The following EYS variants were observed in gnomAD, a reference collection of about 807,000 sequenced individuals.
The protein encoded by EYS is EGF-like photoreceptor maintenance factor.
EYS carries 250 observed loss-of-function variants against 282.1 expected under a neutral mutation model. The observed-to-expected ratio is 0.89, with a 90% CI of 0.80 to 0.98. The LOEUF is 0.98. EYS is among the 50% of genes least tolerant of loss of function. The probability of loss-of-function intolerance (pLI) is 0.00; values close to 1 mark genes in which losing one functional copy is unlikely to be tolerated. For missense variants in EYS, 4,016 were observed against 3,709.0 expected, an observed-to-expected ratio of 1.08 and a Z score of -2.15; for synonymous variants, 1,355 against 1,282.9, an observed-to-expected ratio of 1.06 and a Z score of -1.20.
intron 5 of EYS, among the ~76,000 whole-genome samples, chr6:65,443,588 A>G (rs1018675618): frequency 3.3e-5 from 5 of 151,772 alleles, no homozygotes; most frequent in African/African-American, 1.2e-4. Context: ...ATATACACAT[A>G]TACATATACA....
chr6:65,334,840 G>A (rs1769922251), intron 11 of EYS, 140 bp downstream of exon 11: 3 of 682,274 alleles, frequency 4.4e-6, no homozygotes, highest in African/African-American at 1.8e-5. Flanking sequence ...AACTATATAT[G>A]TATATGTAAG....
intron 7 of EYS, 48 bp downstream of exon 7, chr6:65,402,430 A>G (rs896552100): frequency 1.6e-6 from 2 of 1,283,704 alleles, no homozygotes; most frequent in African/African-American, 2.9e-5. Flanking sequence ...CACATGATTT[A>G]AAAATCCATG....
At chr6:64,123,032 T>C (rs150785401) in intron 31 of EYS, among the ~76,000 whole-genome samples, 4,607 of 152,230 alleles carry the variant, frequency 0.03, 197 homozygotes, top group African/African-American at 0.096. Context: ...TTAAAGAATT[T>C]ACAGTCTAAT....
intron 29 of EYS, among the ~76,000 whole-genome samples, chr6:64,359,540 GTTC>G (rs1310822007): frequency 4.6e-5 from 7 of 151,620 alleles, no homozygotes; most frequent in Admixed American, 3.9e-4. Context: ...CCTTATCTCA[GTTC>G]TTCGGCATCT....
At chr6:64,714,440 A>G (rs992918522) in intron 22 of EYS, among the ~76,000 whole-genome samples, 4 of 151,856 alleles carry the variant, frequency 2.6e-5, no homozygotes, top group African/African-American at 9.7e-5. Flanking sequence ...AGTTTTTAAA[A>G]TTTTCATCTA....
intron 31 of EYS, among the ~76,000 whole-genome samples, chr6:64,166,985 T>C (rs1764309698): frequency 6.6e-6 from 1 of 152,222 alleles, no homozygotes; most frequent in Non-Finnish European, 1.5e-5. Context: ...ACAGCTTCAT[T>C]TAGATTTTCC....
intron 8 of EYS, among the ~76,000 whole-genome samples, chr6:65,366,966 G>A (rs1764936357): frequency 6.6e-6 from 1 of 151,544 alleles, no homozygotes; most frequent in Non-Finnish European, 1.5e-5. Context: ...GGACCTCTGT[G>A]ATTATATCAG....
At chr6:64,806,250 C>T (rs527355546) in intron 22 of EYS, among the ~76,000 whole-genome samples, 3 of 151,814 alleles carry the variant, frequency 2.0e-5, no homozygotes, top group Admixed American at 6.6e-5. Flanking sequence ...AACTAATTAA[C>T]TTAAAGCTAA....
chr6:64,566,275 G>A (rs1765565298), intron 26 of EYS, among the ~76,000 whole-genome samples: 1 of 152,028 alleles, frequency 6.6e-6, no homozygotes, highest in Non-Finnish European at 1.5e-5. Flanking sequence ...TTGTATACAG[G>A]AAAGAAAAAT....
At chr6:63,949,065 A>G (rs1765486223) in intron 35 of EYS, among the ~76,000 whole-genome samples, 1 of 152,190 alleles carries the variant, frequency 6.6e-6, no homozygotes, top group South Asian at 2.1e-4. Flanking sequence ...TTATACTTTT[A>G]GTGAAGATTC....
At chr6:64,460,825 T>C (rs1310098000) in intron 26 of EYS, among the ~76,000 whole-genome samples, 1 of 152,166 alleles carries the variant, frequency 6.6e-6, no homozygotes, top group Admixed American at 6.5e-5. Flanking sequence ...TTTAATCAAA[T>C]GTGATTTTCA....
At position 64,531,355 on chromosome 6, in the gene EYS, T is replaced by C. The variant is rs573356661; in HGVS notation, c.5644+58868A>G. Among the ~76,000 whole-genome samples, 239 of 150,536 alleles carry C rather than the reference T, an allele frequency of 1.6e-3. 1 individual carries two copies. The highest frequency in any genetic ancestry group is 2.7e-3 in the Non-Finnish European group (183 of 67,782). On this transcript the variant is annotated intron_variant, in intron 26 of 42. Transcript: ENST00000503581. ...TACGCCTGGGATATATTGTGTTATG[T>C]ATTAATAAAATTGATGAAAAATTGA... is the stretch of plus-strand genomic sequence containing the variant.
At chr6:64,286,902 C>G (rs890025100) in intron 30 of EYS, among the ~76,000 whole-genome samples, 2 of 130,316 alleles carry the variant, frequency 1.5e-5, no homozygotes, top group Non-Finnish European at 3.4e-5. Context: ...TAGCATATAC[C>G]TTTTGTTTAA....
intron 28 of EYS, among the ~76,000 whole-genome samples, chr6:64,417,909 G>C (rs185913010): frequency 3.5e-4 from 53 of 152,034 alleles, no homozygotes; most frequent in African/African-American, 1.2e-3. Context: ...AGACCTCAAG[G>C]GATCCACCTG....
chr6:64,250,947 A>T lies in EYS; in HGVS notation c.6192-20123T>A, dbSNP rs1041359744. Reference sequence around the variant, plus strand: ...GTTTAGTCTTTTCTACAAATACACTAGATAATATGAGGAAACACGTAAGTA... The same window carrying T: ...GTTTAGTCTTTTCTACAAATACACTTGATAATATGAGGAAACACGTAAGTA... On this transcript the variant is annotated intron_variant, in intron 30 of 42. Transcript: ENST00000503581. Among the ~76,000 whole-genome samples, 3 of 152,204 alleles carry T rather than the reference A, an allele frequency of 2.0e-5. No individual in the cohort carries two copies. The South Asian group carries it at 6.2e-4, about 31-fold the overall frequency.
At chr6:64,066,227 G>A in intron 33 of EYS, 111 bp downstream of exon 33, 1 of 916,212 alleles carries the variant, frequency 1.1e-6, no homozygotes, top group Non-Finnish European at 1.6e-6. Context: ...GTAGTGAGCT[G>A]AGATCACACC....
intron 12 of EYS, among the ~76,000 whole-genome samples, chr6:65,140,047 T>C (rs1038408644): frequency 1.3e-5 from 2 of 152,124 alleles, no homozygotes; most frequent in African/African-American, 4.8e-5. Context: ...AATTAATAAA[T>C]GACAATACCA....
intron 2 of EYS, among the ~76,000 whole-genome samples, chr6:65,552,789 T>C (rs992324428): frequency 1.3e-5 from 2 of 152,154 alleles, no homozygotes; most frequent in Admixed American, 1.3e-4. Flanking sequence ...ACTAATGTAA[T>C]TATCTTTCAT....
chr6:63,807,346 A>T (rs1770932581), intron 36 of EYS, among the ~76,000 whole-genome samples: 1 of 152,150 alleles, frequency 6.6e-6, no homozygotes, highest in Non-Finnish European at 1.5e-5. Context: ...AACTCCAGGG[A>T]AGCTGTAAAA....
Sources: allele counts gnomAD v4.1 joint callset (sites outside exome capture counted in the v4.1 genomes callset), GRCh38; gene constraint gnomAD v4.1.1; transcripts MANE v1.5; gene names NCBI Gene and HGNC (gene_info 2026-07-23, HGNC 2026-07-21).